Variants in CSNK1G2 observed in about 807,000 individuals in gnomAD.
CSNK1G2 encodes casein kinase 1 gamma 2, also known as casein kinase I isoform gamma-2.
CSNK1G2 carries 11 observed loss-of-function variants against 48.0 expected under a neutral mutation model. The observed-to-expected ratio is 0.23, with a 90% CI of 0.14 to 0.38. The LOEUF (loss-of-function observed/expected upper bound fraction) is 0.38. Ranked by LOEUF, CSNK1G2 falls within the 10% of genes least tolerant of loss-of-function variation. The pLI is 1.00. For synonymous variants in CSNK1G2, 337 were observed against 254.1 expected (o/e 1.33, Z -3.10); for missense variants, 446 against 595.5 (o/e 0.75, Z 2.61).
intron 1 of CSNK1G2, chr19:1,954,795 C>G (rs2014922739): frequency 2.0e-5 from 3 of 152,238 alleles, no homozygotes; most frequent in African/African-American, 2.4e-5. Context: ...TGGCTGCAAT[C>G]CCCTCGTTGG....
At chr19:1,962,273 G>T (rs2015223563) in intron 1 of CSNK1G2, among the ~76,000 whole-genome samples, 1 of 150,778 alleles carries the variant, frequency 6.6e-6, no homozygotes, top group Admixed American at 6.6e-5. Context: ...AGAGGTTACA[G>T]TGAGTCGAGT....
intron 2 of CSNK1G2, among the ~76,000 whole-genome samples, chr19:1,971,023 C>A (rs887719122): frequency 6.6e-6 from 1 of 152,188 alleles, no homozygotes; most frequent in Non-Finnish European, 1.5e-5. Flanking sequence ...TGGGCTGTGG[C>A]GGCCTGGACC....
chr19:1,980,272 C>T lies in CSNK1G2; in HGVS notation c.*69C>T, dbSNP rs376054244. On this transcript the variant is annotated 3_prime_UTR_variant, in exon 12 of 12. Coordinates refer to ENST00000255641, the MANE Select transcript of CSNK1G2 (RefSeq NM_001319.7). ...TTGGGGCGCGACCTTGTGCGAGGCC[C>T]TCGGGGCCCACCCACAGCGGCCCAG... is the stretch of plus-strand genomic sequence containing the variant. 274 of 1,581,634 alleles carry T rather than the reference C, an allele frequency of 1.7e-4. 1 individual carries two copies. The highest frequency in any genetic ancestry group is 1.0e-4 in the Admixed American group (6 of 58,992).
intron 1 of CSNK1G2, chr19:1,959,388 G>A (rs1477794631): frequency 6.6e-6 from 1 of 152,588 alleles, no homozygotes; most frequent in African/African-American, 2.4e-5. Context: ...TTTTCCTGAC[G>A]TGGCATCGGG....
Position 1,978,508 on chromosome 19 carries a change from A to C in CSNK1G2, c.295A>C (p.Thr99Pro), listed in dbSNP as rs1406105576. The change falls in exon 4 of 12, where the codon ACA (threonine) becomes CCA (proline). Residue 99 changes from threonine (T) to proline (P), a missense_variant. Thr to Pro is a conservative substitution (Grantham distance 38, BLOSUM62 -1). This residue lies in a region of CSNK1G2 where 258 missense variants were observed against 415.9 expected (regional missense o/e 0.62). Coordinates refer to ENST00000255641, the MANE Select transcript of CSNK1G2 (RefSeq NM_001319.7). The surrounding 1 kb of genome is among the most constrained non-coding windows in gnomAD (Gnocchi z 7.3). ...CCGGTTCTACAAGCAGCTCAGCGCC[A>C]CAGGTACCGGGCGGCCCGCGGGTGG... is the stretch of plus-strand genomic sequence containing the variant. ...EYRFYKQLSA[T>P]EGVPQVYYFG... 6.3e-7 allele frequency: 1 copy of C among 1,587,580 alleles called. No homozygotes were observed. The highest frequency in any genetic ancestry group is 8.6e-7 in the Non-Finnish European group (1 of 1,168,068).
chr19:1,967,122 T>C (rs11671909), intron 1 of CSNK1G2, among the ~76,000 whole-genome samples: 84,979 of 152,032 alleles, frequency 0.56, 26,968 homozygotes, highest in African/African-American at 0.86. Flanking sequence ...GTGTGTGCAC[T>C]GGGAAACCAG....
chr19:1,967,726 C>T (rs1449851970), intron 1 of CSNK1G2, among the ~76,000 whole-genome samples: 3 of 78,418 alleles, frequency 3.8e-5, no homozygotes, highest in African/African-American at 2.2e-4. Context: ...GCAGGTGGGG[C>T]TCCTCCTTCC....
chr19:1,964,017 A>C (rs183857097), intron 1 of CSNK1G2, among the ~76,000 whole-genome samples: 1 of 151,918 alleles, frequency 6.6e-6, no homozygotes, highest in Non-Finnish European at 1.5e-5. Flanking sequence ...GGGTTTCACC[A>C]TGTTGGCCAG....
chr19:1,973,727 G>A (rs1407477180), intron 2 of CSNK1G2, among the ~76,000 whole-genome samples: 3 of 152,126 alleles, frequency 2.0e-5, no homozygotes, highest in Non-Finnish European at 2.9e-5. Flanking sequence ...GGCATTTTTC[G>A]GTTTCGTCTG....
chr19:1,974,302 G>C (rs2015677333), intron 2 of CSNK1G2, among the ~76,000 whole-genome samples: 1 of 152,146 alleles, frequency 6.6e-6, no homozygotes, highest in South Asian at 2.1e-4. Context: ...ATGGCAAGAA[G>C]GCATGGTGGA....
rs761190960 is a variant in CSNK1G2 at position 1,979,760 on chromosome 19, C to T, written c.1011C>T (p.Pro337=). ...YDWAGKPLPT[P]IGTVHTDLPS... ...TGCTCCCTCACCCACAGCCGACCCC[C>T]ATCGGCACCGTCCACACCGACCTGC... Residue 337 remains proline, a synonymous_variant, in exon 10 of 12, where the codon CCC becomes CCT. Transcript: ENST00000255641. The T allele has an allele frequency of 5.0e-6, 8 of 1,606,034 alleles. No homozygotes were observed. Among genetic ancestry groups the T allele is most frequent in the Non-Finnish European group, 5.9e-6 (7 of 1,179,220 alleles).
intron 1 of CSNK1G2, among the ~76,000 whole-genome samples, chr19:1,955,419 C>A (rs918256781): frequency 4.0e-5 from 6 of 151,342 alleles, no homozygotes; most frequent in African/African-American, 1.5e-4. Context: ...AGCAGTGCTC[C>A]CGTTTTCCAC....
intron 1 of CSNK1G2, among the ~76,000 whole-genome samples, chr19:1,967,761 ACCACCCTTCAGTTCTGCAGGTGG>A (rs2015415870): frequency 2.0e-5 from 1 of 50,854 alleles, no homozygotes; most frequent in African/African-American, 1.2e-4. Flanking sequence ...GCTGCCCCCG[ACCACCCTTCAGTTCTGCAGGTGG>A]GGCTCCTCCT....
At chr19:1,952,972 GA>G (rs761239851) in intron 1 of CSNK1G2, 6 of 439,406 alleles carry the variant, frequency 1.4e-5, no homozygotes, top group African/African-American at 4.3e-5. Context: ...ACGATGAGGG[GA>G]AAAGGCACTC....
At chr19:1,953,395 AG>A (rs2014853599) in intron 1 of CSNK1G2, 1 of 534,102 alleles carries the variant, frequency 1.9e-6, no homozygotes, top group Non-Finnish European at 3.8e-6. Flanking sequence ...CTTCCCCCGG[AG>A]TCTGGAAGGC....
rs1461836239 is a variant in CSNK1G2, at chr19:1,979,103, G to C, written c.682+10G>C. On this transcript the variant is annotated intron_variant, in intron 6 of 11. Coordinates refer to ENST00000255641, the MANE Select transcript of CSNK1G2 (RefSeq NM_001319.7). The stretch of plus-strand genomic sequence containing the variant: ...ACGCACCTGGGCAAGGGTGAGCTGC[G>C]CGCGCGCGGCGGGGGGCGGGCGCCC... The C allele has an allele frequency of 6.3e-7, 1 of 1,587,580 alleles. No individual in the cohort carries two copies. Among genetic ancestry groups the C allele is most frequent in the African/African-American group, 1.4e-5 (1 of 73,678 alleles).
At chr19:1,950,052 G>A (rs150949921) in intron 1 of CSNK1G2, among the ~76,000 whole-genome samples, 1,939 of 152,338 alleles carry the variant, frequency 0.013, 41 homozygotes, top group African/African-American at 0.044. Flanking sequence ...GTAGGCCCCA[G>A]CCCCACAGGA....
intron 1 of CSNK1G2, among the ~76,000 whole-genome samples, chr19:1,948,480 G>C (rs1200413440): frequency 7.1e-6 from 1 of 141,098 alleles, no homozygotes; most frequent in Non-Finnish European, 1.5e-5. Flanking sequence ...CTGAGACCGC[G>C]CCATTGCACT....
At chr19:1,962,775 G>A (rs1450501060) in intron 1 of CSNK1G2, among the ~76,000 whole-genome samples, 4 of 141,592 alleles carry the variant, frequency 2.8e-5, no homozygotes, top group Non-Finnish European at 5.9e-5. Flanking sequence ...AGACGACCTG[G>A]TGGCTCCTCA....
Sources: gnomAD v4.1 joint callset for allele counts (sites outside exome capture counted in the v4.1 genomes callset) on GRCh38, gnomAD v4.1.1 for gene constraint, gnomAD v4.1.1 regional missense constraint, Gnocchi (gnomAD v3.1) non-coding constraint, MANE v1.5 for transcripts, NCBI Gene and HGNC (gene_info 2026-07-23, HGNC 2026-07-21) for gene names.